The following HPSE2 variants were observed in gnomAD, a reference collection of about 807,000 sequenced individuals.
HPSE2 encodes inactive heparanase-2.
Under a neutral mutation model 60.5 loss-of-function variants are expected in HPSE2, and 38 were observed. The observed-to-expected ratio is 0.63, with a 90% CI of 0.48 to 0.82. HPSE2 has a LOEUF of 0.82. Ranked by LOEUF, HPSE2 falls within the 40% of genes least tolerant of loss-of-function variation. The probability of loss-of-function intolerance (pLI) is 0.00; values close to 1 mark genes in which losing one functional copy is unlikely to be tolerated. For synonymous variants in HPSE2, 295 were observed against 293.2 expected, an observed-to-expected ratio of 1.01 and a Z score of -0.06; for missense variants, 713 against 740.4, an observed-to-expected ratio of 0.96 and a Z score of 0.43.
chr10:99,027,125 C>A (rs1427872506), intron 3 of HPSE2, among the ~76,000 whole-genome samples: 1 of 150,994 alleles, frequency 6.6e-6, no homozygotes, highest in Non-Finnish European at 1.5e-5. Flanking sequence ...AAGATCAAAG[C>A]AGAAATAAAT....
At chr10:98,592,747 C>T (rs1405133820) in intron 9 of HPSE2, among the ~76,000 whole-genome samples, 2 of 152,174 alleles carry the variant, frequency 1.3e-5, no homozygotes, top group Admixed American at 6.5e-5. Context: ...GGCAAGCTAC[C>T]TCTCTTGCCC....
chr10:98,648,110 T>G (rs1946822578), intron 6 of HPSE2, among the ~76,000 whole-genome samples: 1 of 152,226 alleles, frequency 6.6e-6, no homozygotes, highest in South Asian at 2.1e-4. Flanking sequence ...TCAAGTGCCA[T>G]GCCAAGGGCT....
chr10:98,507,026 T>A (rs1942225032), intron 9 of HPSE2, among the ~76,000 whole-genome samples: 1 of 152,262 alleles, frequency 6.6e-6, no homozygotes, highest in African/African-American at 2.4e-5. Flanking sequence ...TTTGCTTTTA[T>A]AAATATCTGT....
chr10:98,484,828 G>C (rs1362733232), intron 10 of HPSE2, among the ~76,000 whole-genome samples: 3 of 152,152 alleles, frequency 2.0e-5, no homozygotes, highest in Non-Finnish European at 4.4e-5. Flanking sequence ...TAGCCCTTCA[G>C]CATGTATCAG....
At chr10:99,094,670 C>T (rs1160997511) in intron 3 of HPSE2, among the ~76,000 whole-genome samples, 5 of 147,398 alleles carry the variant, frequency 3.4e-5, no homozygotes, top group Non-Finnish European at 7.4e-5. Flanking sequence ...GATTCTCCTG[C>T]CTCAGCCTCT....
At chr10:98,741,303 T>A (rs1949490730) in intron 4 of HPSE2, among the ~76,000 whole-genome samples, 1 of 152,184 alleles carries the variant, frequency 6.6e-6, no homozygotes, top group Non-Finnish European at 1.5e-5. Context: ...CTCCTCTTTA[T>A]AAATAATTCT....
At chr10:99,086,989 T>G (rs10883256) in intron 3 of HPSE2, among the ~76,000 whole-genome samples, 1 of 152,038 alleles carries the variant, frequency 6.6e-6, no homozygotes, top group Non-Finnish European at 1.5e-5. Flanking sequence ...AGGGATGAAA[T>G]GTAGCACTAG....
intron 3 of HPSE2, among the ~76,000 whole-genome samples, chr10:98,938,119 T>C (rs1038897499): frequency 1.4e-5 from 2 of 142,572 alleles, no homozygotes; most frequent in East Asian, 2.0e-4. Flanking sequence ...CAAAAGTAGA[T>C]AAAACCACAA....
chr10:98,724,573 G>C (rs4536141), intron 4 of HPSE2, among the ~76,000 whole-genome samples: 2 of 152,084 alleles, frequency 1.3e-5, no homozygotes, highest in Non-Finnish European at 2.9e-5. Flanking sequence ...GGTTGTTAAA[G>C]TCTCCCATTA....
chr10:99,290,383 C>G, the HPSE2 span, among the ~76,000 whole-genome samples: 2 of 152,286 alleles, frequency 1.3e-5, no homozygotes, highest in South Asian at 2.1e-4. Flanking sequence ...TGAACAAGGT[C>G]TAAGTAAGGC....
At chr10:99,276,453 A>G in the HPSE2 span, among the ~76,000 whole-genome samples, 10 of 152,326 alleles carry the variant, frequency 6.6e-5, no homozygotes, top group South Asian at 1.4e-3. Context: ...GTTTTTCACT[A>G]CACATTAATC....
intron 10 of HPSE2, among the ~76,000 whole-genome samples, chr10:98,487,618 G>T (rs1227455997): frequency 2.6e-5 from 4 of 152,238 alleles, no homozygotes; most frequent in Admixed American, 2.6e-4. Context: ...ACACTGGAGT[G>T]CAGGGGTTGT....
chr10:99,231,152 TA>T (rs980177774), intron 2 of HPSE2, among the ~76,000 whole-genome samples: 3 of 151,288 alleles, frequency 2.0e-5, no homozygotes, highest in Admixed American at 6.6e-5. Flanking sequence ...TTCTGGCACT[TA>T]AAAAAAAATG....
intron 9 of HPSE2, among the ~76,000 whole-genome samples, chr10:98,492,476 T>G (rs1049400522): frequency 7.6e-6 from 1 of 131,754 alleles, no homozygotes; most frequent in Non-Finnish European, 1.5e-5. Context: ...CACTCCAGCC[T>G]GGGCAACAGA....
intron 3 of HPSE2, among the ~76,000 whole-genome samples, chr10:98,815,051 T>C (rs562106522): frequency 3.6e-4 from 55 of 152,284 alleles, no homozygotes; most frequent in African/African-American, 1.3e-3. Context: ...GAGGACTGCT[T>C]GAGGCCAGGA....
intron 3 of HPSE2, among the ~76,000 whole-genome samples, chr10:99,106,507 G>A (rs961459497): frequency 2.0e-5 from 3 of 151,660 alleles, no homozygotes; most frequent in Admixed American, 1.3e-4. Flanking sequence ...AGACAATCTT[G>A]CATTTCTGAA....
chr10:98,867,269 A>G (rs955334518), intron 3 of HPSE2, among the ~76,000 whole-genome samples: 3 of 151,962 alleles, frequency 2.0e-5, no homozygotes, highest in African/African-American at 7.2e-5. Context: ...ACCAGAATAT[A>G]TAAGGAACTC....
Position 98,984,658 on chromosome 10 carries a change from T to C in HPSE2, c.610+159580A>G, listed in dbSNP as rs548709242. Among the ~76,000 whole-genome samples the C allele has an allele frequency of 8.0e-4, 121 of 152,030 alleles. No individual in the cohort carries two copies. The Middle Eastern group carries it at 0.01, about 13-fold the overall frequency. ...CTGGATGGAGAATGACTTTGACGAGTTGAGAGAAGAAGGCTTCAGACGATC... is the reference window on the plus strand; with the variant it reads ...CTGGATGGAGAATGACTTTGACGAGCTGAGAGAAGAAGGCTTCAGACGATC... On this transcript the variant is annotated intron_variant, in intron 3 of 11. Coordinates refer to ENST00000370552, the MANE Select transcript of HPSE2 (RefSeq NM_021828.5).
At chr10:98,470,835 CA>C (rs1940750486) in intron 11 of HPSE2, among the ~76,000 whole-genome samples, 1 of 151,868 alleles carries the variant, frequency 6.6e-6, no homozygotes, top group Non-Finnish European at 1.5e-5. Flanking sequence ...GACAGCTACG[CA>C]GAGAGTTTCC....
Sources: allele counts gnomAD v4.1 joint callset (sites outside exome capture counted in the v4.1 genomes callset), GRCh38; gene constraint gnomAD v4.1.1; transcripts MANE v1.5; gene names NCBI Gene and HGNC (gene_info 2026-07-23, HGNC 2026-07-21).